APOOL: variants seen among roughly 807,000 people sequenced by gnomAD.
APOOL encodes apolipoprotein O like, also known as MICOS complex subunit MIC27.
Under a neutral mutation model 23.1 loss-of-function variants are expected in APOOL, and 12 were observed. The ratio of observed to expected loss-of-function variants is 0.52; its 90% confidence interval spans 0.33 to 0.84. The LOEUF (loss-of-function observed/expected upper bound fraction) is 0.84. Ranked by LOEUF, APOOL falls within the 40% of genes least tolerant of loss-of-function variation. APOOL has a pLI of 0.02. For missense variants in APOOL, 212 were observed against 199.6 expected, an observed-to-expected ratio of 1.06 and a Z score of -0.37; for synonymous variants, 77 against 69.9, an observed-to-expected ratio of 1.10 and a Z score of -0.51.
intron 1 of APOOL, among the ~76,000 whole-genome samples, chrX:85,006,919 G>A (rs2147468970): frequency 8.9e-6 from 1 of 111,913 alleles, no homozygotes; most frequent in South Asian, 3.8e-4. Context: ...TTGTAAGAAA[G>A]TGGTAAAATC....
chrX:85,014,018 A>G (rs147467315), intron 1 of APOOL, among the ~76,000 whole-genome samples: 1 of 111,293 alleles, frequency 9.0e-6, no homozygotes, highest in African/African-American at 3.3e-5. Context: ...TTAGGTACAT[A>G]TGTGTTTAAG....
intron 5 of APOOL, among the ~76,000 whole-genome samples, chrX:85,056,635 C>T (rs1362757192): frequency 3.6e-5 from 4 of 110,175 alleles, no homozygotes; most frequent in African/African-American, 1.3e-4. Flanking sequence ...CCCAGCTACT[C>T]GGGAGGCTGA....
chrX:85,006,594 A>G (rs1395285042), intron 1 of APOOL, among the ~76,000 whole-genome samples: 1 of 110,582 alleles, frequency 9.0e-6, no homozygotes, highest in Non-Finnish European at 1.9e-5. Flanking sequence ...CAGGAGACAG[A>G]AGACTTGAGC....
intron 6 of APOOL, 56 bp downstream of exon 6, chrX:85,067,274 G>A: frequency 1.2e-6 from 1 of 829,210 alleles, no homozygotes; most frequent in Non-Finnish European, 1.7e-6. Context: ...CTCTCAATGT[G>A]ACAATATTTA....
rs1254116082 is a variant in APOOL at position 85,087,924 on chromosome X, T to C, written c.*246T>C. 4.4e-6 allele frequency: 1 copy of C among 229,616 alleles called. No individual in the cohort carries two copies. The highest frequency in any genetic ancestry group is 7.3e-5 in the East Asian group (1 of 13,646). 18.9% of individuals were successfully genotyped at this position (229,616 alleles called of 1,213,427 possible). A position where few individuals can be genotyped will look rare whatever the true frequency, so the allele number is the denominator to read the frequency against. ...TTAGGTAGAAGTATTAGCTTGCATT[T>C]GATGACCTTTAAGGGCACTTAAAAA... is the stretch of plus-strand genomic sequence containing the variant. On this transcript the variant is annotated 3_prime_UTR_variant, in exon 9 of 9. Coordinates refer to ENST00000373173, the MANE Select transcript of APOOL (RefSeq NM_198450.6).
chrX:85,044,069 A>G (rs1043850237), intron 1 of APOOL, among the ~76,000 whole-genome samples: 2 of 111,553 alleles, frequency 1.8e-5, no homozygotes, highest in Middle Eastern at 8.4e-3. Context: ...GCTCTACATT[A>G]TGGCTGTTGA....
chrX:85,071,045 C>T (rs184700438), intron 6 of APOOL, among the ~76,000 whole-genome samples: 36 of 111,742 alleles, frequency 3.2e-4, no homozygotes, highest in Non-Finnish European at 5.5e-4. Flanking sequence ...GGACATTATA[C>T]TCAGTGAAAT....
intron 5 of APOOL, among the ~76,000 whole-genome samples, chrX:85,066,327 C>CT (rs752904615): frequency 1.8e-5 from 2 of 111,345 alleles, no homozygotes; most frequent in Non-Finnish European, 3.8e-5. Flanking sequence ...TCAAACTATT[C>CT]TGTAGAACCC....
intron 5 of APOOL, among the ~76,000 whole-genome samples, chrX:85,064,533 CT>C (rs766642481): frequency 9.1e-6 from 1 of 110,352 alleles, no homozygotes; most frequent in South Asian, 3.9e-4. Context: ...ATAAATTTCC[CT>C]CTTAACGCCA....
chrX:85,086,573 C>T (rs1924299531), intron 8 of APOOL, among the ~76,000 whole-genome samples: 1 of 111,926 alleles, frequency 8.9e-6, no homozygotes, highest in African/African-American at 3.2e-5. Flanking sequence ...TACCTTTTCA[C>T]CACTTCTACT....
chrX:85,059,074 G>A, intron 5 of APOOL, among the ~76,000 whole-genome samples: 1 of 84,745 alleles, frequency 1.2e-5, no homozygotes. Flanking sequence ...TCCCCTTCCT[G>A]TGTCCATGTG....
At position 85,079,462 on chromosome X, in the gene APOOL, CTT is replaced by C. The variant is rs747887775; in HGVS notation, c.718+5075_718+5076del. ...AGCCGACTTAATTGTGGTGGATAAGCTTTTTGATGTGCTTGTTGATTCGGTTT... is the reference window on the plus strand; with the variant it reads ...AGCCGACTTAATTGTGGTGGATAAGCTTTGATGTGCTTGTTGATTCGGTTT... On this transcript the variant is annotated intron_variant, in intron 8 of 8. Transcript: ENST00000373173. Among the ~76,000 whole-genome samples the C allele has an allele frequency of 8.1e-5, 9 of 111,450 alleles. 1 individual carries two copies. In the South Asian group the frequency reaches 3.4e-3, roughly 42 times the overall value.
rs760259061 is a variant in APOOL, at chrX:85,080,836, C to T, written c.718+6445C>T. Among the ~76,000 whole-genome samples the T allele has an allele frequency of 5.4e-5, 6 of 111,782 alleles. No homozygotes were observed. The East Asian group carries it at 1.7e-3, about 32-fold the overall frequency. ...ACTTCTTGTTGAATTGTTCCCTTTA[C>T]CATTATGTAATGGCCTTCTTTGTCT... On this transcript the variant is annotated intron_variant, in intron 8 of 8. Coordinates refer to ENST00000373173, the MANE Select transcript of APOOL (RefSeq NM_198450.6).
intron 8 of APOOL, among the ~76,000 whole-genome samples, chrX:85,075,248 A>C (rs965012218): frequency 1.8e-5 from 2 of 111,001 alleles, no homozygotes; most frequent in Non-Finnish European, 3.8e-5. Context: ...GCCCTTACCC[A>C]CAAAGCAAAA....
At chrX:85,073,109 ATTTC>A (rs2147661373) in intron 6 of APOOL, among the ~76,000 whole-genome samples, 1 of 111,628 alleles carries the variant, frequency 9.0e-6, no homozygotes, top group East Asian at 2.8e-4. Flanking sequence ...AGGAAGAGGA[ATTTC>A]TTTATATTAG....
intron 5 of APOOL, among the ~76,000 whole-genome samples, chrX:85,065,337 A>G (rs1390185452): frequency 9.0e-6 from 1 of 111,562 alleles, no homozygotes; most frequent in Admixed American, 9.5e-5. Flanking sequence ...TGTCCAGCTT[A>G]CCATCCTGTG....
At chrX:85,086,221 C>T (rs1924284879) in intron 8 of APOOL, among the ~76,000 whole-genome samples, 1 of 111,066 alleles carries the variant, frequency 9.0e-6, no homozygotes, top group African/African-American at 3.3e-5. Context: ...CTTCACTTGG[C>T]CTGTGGGATA....
chrX:85,027,623 C>G (rs1279460795), intron 1 of APOOL, among the ~76,000 whole-genome samples: 1 of 111,404 alleles, frequency 9.0e-6, no homozygotes, highest in East Asian at 2.8e-4. Context: ...TAGTTTGGGT[C>G]AGTATTTTTC....
In APOOL at chrX:85,093,216, A is replaced by G. The variant is rs1207937470; in HGVS notation, c.*5538A>G. 1.7e-6 allele frequency: 2 copies of G among 1,165,099 alleles called. No homozygotes were observed. The highest frequency in any genetic ancestry group is 2.6e-5 in the Admixed American group (1 of 38,705). ...TAGCCTCTTCAGCATTTCAGCTCCAATACCTAGGCCTTTTAAATAGACAAT... is the reference window on the plus strand; with the variant it reads ...TAGCCTCTTCAGCATTTCAGCTCCAGTACCTAGGCCTTTTAAATAGACAAT... On this transcript the variant is annotated 3_prime_UTR_variant, in exon 9 of 9. Coordinates refer to ENST00000373173, the MANE Select transcript of APOOL (RefSeq NM_198450.6).
Sources: gnomAD v4.1 joint callset for allele counts (sites outside exome capture counted in the v4.1 genomes callset) on GRCh38, gnomAD v4.1.1 for gene constraint, MANE v1.5 for transcripts, NCBI Gene and HGNC (gene_info 2026-07-23, HGNC 2026-07-21) for gene names.